The following FBXO34 variants were observed in gnomAD, a reference collection of about 807,000 sequenced individuals.
FBXO34 encodes the protein F-box only protein 34.
FBXO34 carries 12 observed loss-of-function variants against 24.5 expected under a neutral mutation model. That is an observed-to-expected ratio of 0.49 (90% CI 0.31 to 0.79). FBXO34 has a LOEUF of 0.79. FBXO34 is among the 30% of genes least tolerant of loss of function. The probability of loss-of-function intolerance (pLI) is 0.04; values close to 1 mark genes in which losing one functional copy is unlikely to be tolerated. For missense variants in FBXO34, 823 were observed against 857.7 expected (o/e 0.96, Z 0.51); for synonymous variants, 320 against 311.9 (o/e 1.03, Z -0.27).
intron 1 of FBXO34, among the ~76,000 whole-genome samples, chr14:55,275,087 A>G (rs1041551132): frequency 6.6e-6 from 1 of 152,226 alleles, no homozygotes; most frequent in African/African-American, 2.4e-5. Context: ...TGCTTATGGT[A>G]TTTTGAAGCT....
chr14:55,368,955 A>G (rs1321524764), downstream of FBXO34: 2 of 152,622 alleles, frequency 1.3e-5, no homozygotes, highest in Non-Finnish European at 2.9e-5. Context: ...TCTTCCATTT[A>G]TGGATGTGGG....
At chr14:55,421,243 G>C in the FBXO34 span, among the ~76,000 whole-genome samples, 1 of 152,108 alleles carries the variant, frequency 6.6e-6, no homozygotes, top group Non-Finnish European at 1.5e-5. Context: ...GGACTTGAAA[G>C]TGTGTTTCCC....
the FBXO34 span, among the ~76,000 whole-genome samples, chr14:55,384,217 CAGCACAGAAAT>C: frequency 6.6e-6 from 1 of 152,182 alleles, no homozygotes; most frequent in South Asian, 2.1e-4. Context: ...AAGATTAAAA[CAGCACAGAAAT>C]AGTTTTTCTT....
intron 1 of FBXO34, chr14:55,298,732 TAAGC>T (rs1233416927): frequency 1.9e-6 from 3 of 1,571,654 alleles, no homozygotes; most frequent in Non-Finnish European, 2.6e-6. Flanking sequence ...GAGGAGATGT[TAAGC>T]AAGAAACAGG....
At chr14:55,345,272 C>T (rs956138037) in intron 1 of FBXO34, among the ~76,000 whole-genome samples, 1 of 152,198 alleles carries the variant, frequency 6.6e-6, no homozygotes, top group Admixed American at 6.5e-5. Context: ...CCTCATCCTC[C>T]ATTTTCAGTC....
chr14:55,353,616 A>G, downstream of FBXO34: 2 of 167,248 alleles, frequency 1.2e-5, no homozygotes. Flanking sequence ...ATGGAACCCA[A>G]GTTTTGCAAA....
At chr14:55,437,240 G>T in the FBXO34 span, among the ~76,000 whole-genome samples, 1 of 152,268 alleles carries the variant, frequency 6.6e-6, no homozygotes, top group African/African-American at 2.4e-5. Context: ...ACTTTGGAAG[G>T]CTGAGGCAGG....
chr14:55,380,452 C>T, the FBXO34 span: 14 of 656,878 alleles, frequency 2.1e-5, no homozygotes, highest in African/African-American at 5.5e-5. Flanking sequence ...TATTTCAATC[C>T]GACCTTCTCT....
the FBXO34 span, chr14:55,381,819 T>C: frequency 1.5e-6 from 1 of 668,978 alleles, no homozygotes; most frequent in Non-Finnish European, 2.5e-6. Flanking sequence ...TGTTTTGAAA[T>C]GACATGGAGG....
At chr14:55,421,767 T>C in the FBXO34 span, among the ~76,000 whole-genome samples, 1 of 151,962 alleles carries the variant, frequency 6.6e-6, no homozygotes, top group Non-Finnish European at 1.5e-5. Flanking sequence ...CCAGAAACTT[T>C]CCCCTCTTTG....
At chr14:55,323,210 A>ATGTATAT (rs1351050999) in intron 1 of FBXO34, among the ~76,000 whole-genome samples, 1 of 33,046 alleles carries the variant, frequency 3.0e-5, no homozygotes, top group Non-Finnish European at 4.5e-5. Flanking sequence ...AAAAAAAAAA[A>ATGTATAT]AAAAAAAAAT....
At chr14:55,407,161 G>A in the FBXO34 span, among the ~76,000 whole-genome samples, 4 of 151,822 alleles carry the variant, frequency 2.6e-5, no homozygotes, top group African/African-American at 9.7e-5. Context: ...ACAGAGTCTC[G>A]CTCTCTCGCC....
At chr14:55,402,926 A>AATATATATATATATAT in the FBXO34 span, among the ~76,000 whole-genome samples, 7 of 16,400 alleles carry the variant, frequency 4.3e-4, no homozygotes, top group African/African-American at 7.7e-4. Flanking sequence ...AAAAAAAAAA[A>AATATATATATATATAT]ATATATATAT....
intron 1 of FBXO34, among the ~76,000 whole-genome samples, chr14:55,328,061 C>T (rs993511550): frequency 6.6e-6 from 1 of 151,278 alleles, no homozygotes; most frequent in Non-Finnish European, 1.5e-5. Context: ...AGTTCTGCCT[C>T]GTGCCTCAGC....
chr14:55,352,690 T>C lies in FBXO34; in HGVS notation c.*164T>C. ...TTCTAAACTCTAAATTTACGAGCTG[T>C]ACAAAAAAATTGGTCTTGTTGTTTA... On this transcript the variant is annotated 3_prime_UTR_variant, in exon 2 of 2. Transcript: ENST00000313833. The C allele has an allele frequency of 1.5e-6, 1 of 648,662 alleles. No homozygotes were observed. 40.2% of individuals were successfully genotyped at this position (648,662 alleles called of 1,614,324 possible). A position where few individuals can be genotyped will look rare whatever the true frequency, so the allele number is the denominator to read the frequency against.
At chr14:55,327,923 T>G (rs1208526119) in intron 1 of FBXO34, among the ~76,000 whole-genome samples, 1 of 103,624 alleles carries the variant, frequency 9.7e-6, no homozygotes, top group East Asian at 3.4e-4. Context: ...TTTTTTTTTT[T>G]TTTTTTTTTT....
intron 1 of FBXO34, among the ~76,000 whole-genome samples, chr14:55,343,457 G>T (rs990406990): frequency 8.6e-5 from 13 of 151,988 alleles, no homozygotes; most frequent in African/African-American, 2.4e-4. Context: ...CATCATGTTG[G>T]CCAGGCTGGT....
intron 1 of FBXO34, among the ~76,000 whole-genome samples, chr14:55,314,329 T>G (rs1882855060): frequency 6.6e-6 from 1 of 152,208 alleles, no homozygotes; most frequent in African/African-American, 2.4e-5. Context: ...ACAACTTAAG[T>G]GGAAACGGTC....
intron 1 of FBXO34, among the ~76,000 whole-genome samples, chr14:55,305,197 G>A (rs185492691): frequency 1.2e-3 from 183 of 152,340 alleles, no homozygotes; most frequent in Non-Finnish European, 2.1e-3. Context: ...TGGATCATGA[G>A]GTCAGGAGAT....
Sources: gnomAD v4.1 joint callset for allele counts (sites outside exome capture counted in the v4.1 genomes callset) on GRCh38, gnomAD v4.1.1 for gene constraint, MANE v1.5 for transcripts, NCBI Gene and HGNC (gene_info 2026-07-23, HGNC 2026-07-21) for gene names.